AMOTL1: variants seen among roughly 807,000 people sequenced by gnomAD.
AMOTL1 encodes the protein angiomotin like 1.
AMOTL1 carries 45 observed loss-of-function variants against 102.9 expected under a neutral mutation model. The observed-to-expected ratio is 0.44, with a 90% confidence interval of 0.34 to 0.56. The LOEUF is 0.56. Ranked by LOEUF, AMOTL1 falls within the 20% of genes least tolerant of loss-of-function variation. AMOTL1 has a pLI of 0.01. For missense variants in AMOTL1, 1,114 were observed against 1,225.6 expected, an observed-to-expected ratio of 0.91 and a Z score of 1.36; for synonymous variants, 481 against 484.7, an observed-to-expected ratio of 0.99 and a Z score of 0.10.
intron 8 of AMOTL1, among the ~76,000 whole-genome samples, chr11:94,856,801 A>G (rs972487288): frequency 3.3e-5 from 5 of 152,166 alleles, no homozygotes; most frequent in Admixed American, 2.0e-4. Context: ...ACCACTTCCC[A>G]TAGGGCATGA....
At chr11:94,821,885 G>A in intron 4 of AMOTL1, 64 bp downstream of exon 4, 10 of 1,574,236 alleles carry the variant, frequency 6.4e-6, no homozygotes, top group Non-Finnish European at 8.6e-6. Context: ...GGGAGTTGAT[G>A]CACTGACTGA....
chr11:94,785,967 C>T (rs1383022594), intron 1 of AMOTL1, among the ~76,000 whole-genome samples: 2 of 152,088 alleles, frequency 1.3e-5, no homozygotes. Context: ...ACAGTGTGTG[C>T]CAGAGCCACC....
At chr11:94,740,120 C>T (rs1950496682) in intron 2 of AMOTL1, 1 of 152,296 alleles carries the variant, frequency 6.6e-6, no homozygotes, top group African/African-American at 2.4e-5. Context: ...CCCACTTGAG[C>T]CAGGTGATCT....
Position 94,799,448 on chromosome 11 carries a change from A to T in AMOTL1, c.258A>T (p.Glu86Asp). The T allele has an allele frequency of 6.2e-7, 1 of 1,603,720 alleles. No individual in the cohort carries two copies. Among genetic ancestry groups the T allele is most frequent in the South Asian group, 1.1e-5 (1 of 89,008 alleles). ...SPNFLRISEV[E>D]MRGSEDAAAG... is the part of the protein sequence containing the mutation. ...ACTTCCTGAGGATCTCAGAGGTGGA[A>T]ATGAGAGGTTCCGAGGATGCGGCAG... is the stretch of plus-strand genomic sequence containing the variant. The change falls in exon 3 of 13, where the codon GAA becomes GAT. Residue 86 changes from glutamate to aspartate, a missense_variant. Physicochemically the swap from Glu to Asp is conservative, Grantham distance 45. Transcript: ENST00000433060. This position sits in a 1 kb window ranked among gnomAD's most constrained non-coding sequence, Gnocchi z 4.5.
At position 94,866,075 on chromosome 11, in the gene AMOTL1, GC is replaced by G; in HGVS notation, c.2396del (p.Ala799GlufsTer31). On this transcript the variant is annotated frameshift_variant, in exon 11 of 13. Transcript: ENST00000433060. LOFTEE classifies it high-confidence loss of function. ...RPARSVPSIA[A>X]ATGTHSRQTS... ...TGCCCGCTCCGTTCCATCCATAGCA[GC>G]AGCTACTGGGACACACTCTCGCCAG... is the stretch of plus-strand genomic sequence containing the variant. 1 of 1,613,994 alleles carries G rather than the reference GC, an allele frequency of 6.2e-7. No individual in the cohort carries two copies.
At chr11:94,725,209 A>G (rs1950237087) in intron 1 of AMOTL1, among the ~76,000 whole-genome samples, 1 of 152,106 alleles carries the variant, frequency 6.6e-6, no homozygotes, top group African/African-American at 2.4e-5. Flanking sequence ...CATGCTGGGT[A>G]CAAGGGCAGG....
chr11:94,820,610 G>A (rs536113905), intron 3 of AMOTL1, among the ~76,000 whole-genome samples: 4 of 152,230 alleles, frequency 2.6e-5, no homozygotes, highest in South Asian at 2.1e-4. Flanking sequence ...TGATTCAAAC[G>A]CATCACATTT....
chr11:94,748,671 A>G (rs1182146248), intron 3 of AMOTL1, among the ~76,000 whole-genome samples: 1 of 152,196 alleles, frequency 6.6e-6, no homozygotes, highest in Non-Finnish European at 1.5e-5. Flanking sequence ...TTCTTTTCCT[A>G]AACTTTAAAA....
At chr11:94,852,947 A>G (rs1163029499) in intron 7 of AMOTL1, among the ~76,000 whole-genome samples, 1 of 152,204 alleles carries the variant, frequency 6.6e-6, no homozygotes, top group Non-Finnish European at 1.5e-5. Flanking sequence ...AAGAATAAAG[A>G]ATTGCCATTC....
chr11:94,743,067 C>T (rs182913711), intron 3 of AMOTL1, among the ~76,000 whole-genome samples: 2 of 152,242 alleles, frequency 1.3e-5, no homozygotes, highest in East Asian at 3.9e-4. Flanking sequence ...CATGGGGTTC[C>T]CTTCTGGGAT....
chr11:94,852,836 C>T (rs372739818), intron 7 of AMOTL1, among the ~76,000 whole-genome samples: 1 of 152,086 alleles, frequency 6.6e-6, no homozygotes, highest in African/African-American at 2.4e-5. Flanking sequence ...TTTATTTATG[C>T]ACACATACAT....
At chr11:94,854,664 C>T (rs1952623381) in intron 8 of AMOTL1, among the ~76,000 whole-genome samples, 1 of 152,084 alleles carries the variant, frequency 6.6e-6, no homozygotes, top group Admixed American at 6.6e-5. Context: ...CCTCTGATGT[C>T]AGAGGACCAT....
chr11:94,788,357 C>T (rs754965511), intron 1 of AMOTL1, among the ~76,000 whole-genome samples: 9 of 152,200 alleles, frequency 5.9e-5, no homozygotes, highest in Non-Finnish European at 7.3e-5. Flanking sequence ...AACTAAGCTA[C>T]GCTGAACTCT....
chr11:94,761,444 C>T (rs1160942372), intron 3 of AMOTL1, among the ~76,000 whole-genome samples: 1 of 152,150 alleles, frequency 6.6e-6, no homozygotes, highest in African/African-American at 2.4e-5. Flanking sequence ...ACCCCCTGGC[C>T]TCCCAAAGTG....
At chr11:94,856,942 G>A (rs1430790724) in intron 8 of AMOTL1, among the ~76,000 whole-genome samples, 2 of 152,154 alleles carry the variant, frequency 1.3e-5, no homozygotes, top group African/African-American at 2.4e-5. Flanking sequence ...ACAACACAGA[G>A]CCCTTGAGCA....
At chr11:94,784,560 A>G (rs1951155172) in intron 1 of AMOTL1, among the ~76,000 whole-genome samples, 1 of 152,212 alleles carries the variant, frequency 6.6e-6, no homozygotes, top group African/African-American at 2.4e-5. Context: ...TCTTCACATT[A>G]CTAAAGGAAT....
At chr11:94,758,339 A>G (rs1429193962) in intron 3 of AMOTL1, among the ~76,000 whole-genome samples, 2 of 152,218 alleles carry the variant, frequency 1.3e-5, no homozygotes, top group African/African-American at 4.8e-5. Flanking sequence ...AAATGGCTTC[A>G]GGAGACTTCA....
chr11:94,852,445 G>A (rs929201085), intron 7 of AMOTL1, among the ~76,000 whole-genome samples: 2 of 152,172 alleles, frequency 1.3e-5, no homozygotes, highest in African/African-American at 4.8e-5. Context: ...ACCCAGGTGC[G>A]GAATGACAGG....
intron 3 of AMOTL1, among the ~76,000 whole-genome samples, chr11:94,813,712 C>A (rs1234890400): frequency 2.6e-5 from 4 of 152,200 alleles, no homozygotes; most frequent in Non-Finnish European, 4.4e-5. Context: ...CCAACTCCAC[C>A]ACAAGAGTGA....
Sources: allele counts gnomAD v4.1 joint callset (sites outside exome capture counted in the v4.1 genomes callset), GRCh38; gene constraint gnomAD v4.1.1; non-coding constraint Gnocchi (gnomAD v3.1); transcripts MANE v1.5; gene names NCBI Gene and HGNC (gene_info 2026-07-23, HGNC 2026-07-21).